TEX101: variants seen among roughly 807,000 people sequenced by gnomAD.
The protein encoded by TEX101 is testis-expressed protein 101.
Under a neutral mutation model 18.1 loss-of-function variants are expected in TEX101, and 10 were observed. That is an observed-to-expected ratio of 0.55 (90% CI 0.34 to 0.94). TEX101 has a LOEUF of 0.94. TEX101 is among the 40% of genes least tolerant of loss of function. TEX101 has a pLI of 0.02. For synonymous variants in TEX101, 94 were observed against 114.8 expected, an observed-to-expected ratio of 0.82 and a Z score of 1.16; for missense variants, 259 against 298.9, an observed-to-expected ratio of 0.87 and a Z score of 0.98.
At chr19:43,396,002 C>G in the TEX101 span, among the ~76,000 whole-genome samples, 8 of 152,226 alleles carry the variant, frequency 5.3e-5, no homozygotes, top group African/African-American at 1.7e-4. Flanking sequence ...GCAGCAAGAA[C>G]AGAGGTAGGT....
chr19:43,418,242 G>GT lies in TEX101; in HGVS notation c.595_596insT (p.Ala199ValfsTer23). The GT allele has an allele frequency of 1.2e-6, 2 of 1,614,206 alleles. No individual in the cohort carries two copies. The highest frequency in any genetic ancestry group is 1.7e-6 in the Non-Finnish European group (2 of 1,180,038). Reference sequence around the variant, plus strand: ...CTGCAGGCTGATGTCTGGAATCTTAGCAGTAGGACCCATGTTTGTGAGGGA... The same window carrying GT: ...CTGCAGGCTGATGTCTGGAATCTTAGTCAGTAGGACCCATGTTTGTGAGGGA... On this transcript the variant is annotated frameshift_variant, in exon 6 of 6. Coordinates refer to ENST00000598265, the MANE Select transcript of TEX101 (RefSeq NM_001130011.3). LOFTEE classifies it low-confidence loss of function (END_TRUNC).
chr19:43,404,237 G>A (rs1276060370), intron 2 of TEX101, among the ~76,000 whole-genome samples: 2 of 152,012 alleles, frequency 1.3e-5, no homozygotes, highest in Non-Finnish European at 2.9e-5. Context: ...AGTAAACTCT[G>A]AAAAAGGCAA....
At chr19:43,406,268 G>A (rs975678763) in exon 3 of TEX101, 42 of 512,206 alleles carry the variant, frequency 8.2e-5, no homozygotes, top group Non-Finnish European at 3.1e-5. Context: ...CCCGGATCAA[G>A]GGCAGGAGCA....
At chr19:43,404,970 C>T (rs917711244) in intron 2 of TEX101, among the ~76,000 whole-genome samples, 6 of 151,332 alleles carry the variant, frequency 4.0e-5, no homozygotes, top group African/African-American at 9.7e-5. Flanking sequence ...AGGTATGGGA[C>T]GCAAAAAGTA....
At chr19:43,391,362 G>A in the TEX101 span, among the ~76,000 whole-genome samples, 4 of 149,706 alleles carry the variant, frequency 2.7e-5, no homozygotes, top group Non-Finnish European at 5.9e-5. Flanking sequence ...TGCTACACAA[G>A]CGTTCCAATT....
upstream of TEX101, among the ~76,000 whole-genome samples, chr19:43,398,982 C>A (rs1204115501): frequency 2.6e-4 from 39 of 152,198 alleles, no homozygotes; most frequent in Admixed American, 2.6e-3. Context: ...CCGCCTAGTT[C>A]ATGAATTGCT....
Position 43,416,241 on chromosome 19 carries a change from A to G in TEX101, c.207A>G (p.Ala69=). The G allele has an allele frequency of 1.2e-6, 2 of 1,604,574 alleles. No individual in the cohort carries two copies. Among genetic ancestry groups the G allele is most frequent in the South Asian group, 2.2e-5 (2 of 89,112 alleles). The change falls in exon 3 of 6, where the codon GCA becomes GCG. Residue 69 remains alanine, a splice_region_variant and synonymous_variant. Transcript: ENST00000598265. ...AGGAAACCATACTAATAATTAAAGC[A>G]GGTGAAATGAGATGGGGCATTTGGG... ...LCQETILIIK[A]GTETAILATK...
In TEX101 at chr19:43,416,444, C is replaced by G; in HGVS notation, c.280C>G (p.His94Asp). The G allele has an allele frequency of 6.2e-7, 1 of 1,614,194 alleles. No homozygotes were observed. Among genetic ancestry groups the G allele is most frequent in the South Asian group, 1.1e-5 (1 of 91,082 alleles). The change falls in exon 4 of 6, where the codon CAC (histidine) becomes GAC (aspartate). Residue 94 changes from histidine to aspartate, a missense_variant. His to Asp is a moderately conservative substitution (Grantham distance 81, BLOSUM62 -1). Transcript: ENST00000598265. ...GGAGGAGGCCATAACAATTGTCCAG[C>G]ACTCTTCACCTCCCGGCCTGATCGT... ...EGEEAITIVQ[H>D]SSPPGLIVTS...
At chr19:43,405,149 C>T (rs1263960667) in intron 2 of TEX101, among the ~76,000 whole-genome samples, 1 of 152,078 alleles carries the variant, frequency 6.6e-6, no homozygotes, top group East Asian at 1.9e-4. Context: ...CTAAGTAAAT[C>T]TAAGGTCATT....
the TEX101 span, among the ~76,000 whole-genome samples, chr19:43,391,243 G>C: frequency 1.3e-5 from 2 of 152,040 alleles, no homozygotes; most frequent in Non-Finnish European, 2.9e-5. Context: ...CCTGCTTTCC[G>C]TTCTTTTCGG....
chr19:43,406,337 T>C, exon 3 of TEX101: 1 of 600,574 alleles, frequency 1.7e-6, no homozygotes, highest in South Asian at 1.9e-5. Flanking sequence ...CGCGAATGGA[T>C]AGACGCTATT....
At chr19:43,406,440 A>G (rs182286763) in exon 3 of TEX101, 66 of 761,550 alleles carry the variant, frequency 8.7e-5, no homozygotes, top group Non-Finnish European at 4.9e-6. Flanking sequence ...AGCCTGATTG[A>G]AAGGCGGTGA....
Position 43,417,236 on chromosome 19 carries a change from G to T in TEX101, c.392-642G>T, listed in dbSNP as rs1599905259. Among the ~76,000 whole-genome samples the T allele has an allele frequency of 2.0e-5, 3 of 151,796 alleles. No homozygotes were observed. The South Asian group carries it at 6.2e-4, about 32-fold the overall frequency. On this transcript the variant is annotated intron_variant, in intron 4 of 5. Coordinates refer to ENST00000598265, the MANE Select transcript of TEX101 (RefSeq NM_001130011.3). ...CTCTCATTTACTGTGTGCTAACTGG[G>T]GCTAATACTCAAAATGCTTAACAAT... is the stretch of plus-strand genomic sequence containing the variant.
At chr19:43,391,828 C>G in the TEX101 span, among the ~76,000 whole-genome samples, 1 of 152,200 alleles carries the variant, frequency 6.6e-6, no homozygotes, top group Non-Finnish European at 1.5e-5. Context: ...TTGCAATTCC[C>G]AGAAGTACAC....
the TEX101 span, among the ~76,000 whole-genome samples, chr19:43,389,017 A>G: frequency 6.6e-6 from 1 of 151,902 alleles, no homozygotes; most frequent in East Asian, 1.9e-4. Flanking sequence ...GAGGCATCGT[A>G]GCTTCCCTCC....
chr19:43,416,003 G>A lies in TEX101; in HGVS notation c.64+20G>A. ...TGACCTGTGCGTATGGGGGACATAG[G>A]GGAGAGCCGTGTGTCACAGAAGGTG... On this transcript the variant is annotated intron_variant, in intron 2 of 5. Transcript: ENST00000598265. 1.9e-6 allele frequency: 3 copies of A among 1,613,636 alleles called. No homozygotes were observed. The highest frequency in any genetic ancestry group is 2.5e-6 in the Non-Finnish European group (3 of 1,179,810).
chr19:43,394,302 A>C, the TEX101 span, among the ~76,000 whole-genome samples: 2 of 152,116 alleles, frequency 1.3e-5, no homozygotes, highest in Admixed American at 6.6e-5. Context: ...CTTCCCAGAC[A>C]ACTTGAGATG....
intron 1 of TEX101, chr19:43,402,748 T>C (rs1274650976): frequency 6.6e-6 from 1 of 152,182 alleles, no homozygotes; most frequent in Non-Finnish European, 1.5e-5. Context: ...AGCCGGCTAA[T>C]TTTTTTGTAT....
chr19:43,400,937 T>C (rs1420521585), upstream of TEX101, among the ~76,000 whole-genome samples: 1 of 152,194 alleles, frequency 6.6e-6, no homozygotes, highest in Non-Finnish European at 1.5e-5. Flanking sequence ...TTAAATATTT[T>C]AAAAGTTTAT....
Sources: gnomAD v4.1 joint callset for allele counts (sites outside exome capture counted in the v4.1 genomes callset) on GRCh38, gnomAD v4.1.1 for gene constraint, MANE v1.5 for transcripts, NCBI Gene and HGNC (gene_info 2026-07-23, HGNC 2026-07-21) for gene names.